ADCY1: variants seen among roughly 807,000 people sequenced by gnomAD.
ADCY1 encodes the protein adenylate cyclase 1.
In ADCY1, 28 loss-of-function variants were observed where a neutral mutation model predicts 105.4. The ratio of observed to expected loss-of-function variants is 0.27; its 90% CI spans 0.20 to 0.36. The LOEUF is 0.36. Among genes scored for constraint, ADCY1 ranks in the 10% least tolerant of loss-of-function variants. ADCY1 has a pLI of 1.00. For synonymous variants in ADCY1, 655 were observed against 623.8 expected, an observed-to-expected ratio of 1.05 and a Z score of -0.75; for missense variants, 977 against 1,434.2, an observed-to-expected ratio of 0.68 and a Z score of 5.15.
At position 45,703,136 on chromosome 7, in the gene ADCY1, A is replaced by G. The variant is rs1460964954; in HGVS notation, c.2455-240A>G. On this transcript the variant is annotated intron_variant, in intron 14 of 19. Coordinates refer to ENST00000297323, the MANE Select transcript of ADCY1 (RefSeq NM_021116.4). This position sits in a 1 kb window ranked among gnomAD's most constrained non-coding sequence, Gnocchi z 5.9. ...CGGACCCTGGAAATGAGGTGAAGCC[A>G]TAGTTTGTCCTTTGGACATTCTAGC... Among the ~76,000 whole-genome samples, 1 of 152,174 alleles carries G rather than the reference A, an allele frequency of 6.6e-6. No homozygotes were observed. The highest frequency in any genetic ancestry group is 2.4e-5 in the African/African-American group (1 of 41,436).
rs1454620008 is a variant in ADCY1 at position 45,721,404 on chromosome 7, C to A, written c.*7409C>A. 1.4e-5 allele frequency: 5 copies of A among 346,238 alleles called. No homozygotes were observed. The highest frequency in any genetic ancestry group is 2.1e-5 in the Non-Finnish European group (4 of 193,710). The allele number at this position is 346,238 out of a possible 1,614,324, so 21.4% of individuals were successfully genotyped here. A position where few individuals can be genotyped will look rare whatever the true frequency, so the allele number is the denominator to read the frequency against. Reference sequence around the variant, plus strand: ...ATTCTAAAACTATATTTGAGCGAAACCTGTCATTGCGTCTAATTTCAAATA... The same window carrying A: ...ATTCTAAAACTATATTTGAGCGAAAACTGTCATTGCGTCTAATTTCAAATA... On this transcript the variant is annotated 3_prime_UTR_variant, in exon 20 of 20. Coordinates refer to ENST00000297323, the MANE Select transcript of ADCY1 (RefSeq NM_021116.4).
At chr7:45,672,963 C>T (rs1784392579) in intron 8 of ADCY1, among the ~76,000 whole-genome samples, 1 of 152,120 alleles carries the variant, frequency 6.6e-6, no homozygotes, top group South Asian at 2.1e-4. Context: ...TGTTCTTAAT[C>T]AAGTTGGAGA....
chr7:45,674,550 T>G (rs1273599634), intron 8 of ADCY1, among the ~76,000 whole-genome samples: 1 of 152,082 alleles, frequency 6.6e-6, no homozygotes, highest in African/African-American at 2.4e-5. Flanking sequence ...ATTTTTGTAT[T>G]TTTAGTGGAG....
At position 45,634,607 on chromosome 7, in the gene ADCY1, G is replaced by A. The variant is rs190817288; in HGVS notation, c.1020+11864G>A. ...CAAGCCCTACTTGGACATAAAGATG[G>A]TCCCCGACTTATGATAGTTTGACAT... On this transcript the variant is annotated intron_variant, in intron 4 of 19. Coordinates refer to ENST00000297323, the MANE Select transcript of ADCY1 (RefSeq NM_021116.4). Among the ~76,000 whole-genome samples, 161 of 152,138 alleles carry A rather than the reference G, an allele frequency of 1.1e-3. 1 individual carries two copies. The highest frequency in any genetic ancestry group is 3.6e-3 in the African/African-American group (151 of 41,516).
intron 5 of ADCY1, among the ~76,000 whole-genome samples, chr7:45,656,195 C>T (rs990174677): frequency 1.3e-5 from 2 of 151,534 alleles, no homozygotes; most frequent in Non-Finnish European, 2.9e-5. Context: ...CCCAGCTACT[C>T]GGGAGACTGA....
At chr7:45,611,831 T>C (rs1793601204) in intron 3 of ADCY1, among the ~76,000 whole-genome samples, 1 of 152,186 alleles carries the variant, frequency 6.6e-6, no homozygotes, top group Admixed American at 6.5e-5. Flanking sequence ...CTTTTCCTTT[T>C]CTGCTGTTTT....
chr7:45,574,720 G>C lies in ADCY1; in HGVS notation c.177G>C (p.Ala59=), dbSNP rs1329521875. ...FRGYTLRLEQ[A]ATLKALAVLS... ...GCTACACGCTGCGGCTGGAGCAGGC[G>C]GCCACGCTGAAGGCGCTGGCCGTTC... is the stretch of plus-strand genomic sequence containing the variant. The change falls in exon 1 of 20, where the codon GCG becomes GCC. Residue 59 remains alanine (A), a synonymous_variant. Coordinates refer to ENST00000297323, the MANE Select transcript of ADCY1 (RefSeq NM_021116.4). The surrounding 1 kb of genome is among the most constrained non-coding windows in gnomAD (Gnocchi z 7.0). 21 of 1,410,738 alleles carry C rather than the reference G, an allele frequency of 1.5e-5. No individual in the cohort carries two copies. The East Asian group carries it at 6.1e-4, about 41-fold the overall frequency. The allele number at this position is 1,410,738 out of a possible 1,614,324, so 87.4% of individuals were successfully genotyped here.
intron 8 of ADCY1, among the ~76,000 whole-genome samples, chr7:45,662,992 G>A (rs1003797807): frequency 5.9e-5 from 9 of 152,210 alleles, no homozygotes; most frequent in African/African-American, 1.7e-4. Flanking sequence ...GGAGAATAGC[G>A]TCTCCACTGC....
chr7:45,662,200 G>A lies in ADCY1; in HGVS notation c.1591G>A (p.Glu531Lys). The A allele has an allele frequency of 1.2e-6, 2 of 1,613,126 alleles. No individual in the cohort carries two copies. Among genetic ancestry groups the A allele is most frequent in the East Asian group, 2.2e-5 (1 of 44,842 alleles). Residue 531 changes from glutamate (E) to lysine (K), a missense_variant, in exon 8 of 20, where the codon GAG becomes AAG. Transcript: ENST00000297323. ...CCCCTTCTCCAATGTCATGACCTGC[G>A]AGGACGATGACAAGGTAGGAGCAGC... ...EIPFSNVMTC[E>K]DDDKRRALRT...
chr7:45,610,531 C>G, intron 3 of ADCY1, 34 bp downstream of exon 3: 1 of 1,576,338 alleles, frequency 6.3e-7, no homozygotes, highest in Non-Finnish European at 8.7e-7. Flanking sequence ...CAGCGGGGAG[C>G]CTGGGAAGCT....
chr7:45,584,598 G>A (rs912833521), intron 1 of ADCY1, among the ~76,000 whole-genome samples: 2 of 152,186 alleles, frequency 1.3e-5, no homozygotes, highest in South Asian at 2.1e-4. Context: ...TCCTTCTAGC[G>A]CCCTTCCCTG....
intron 4 of ADCY1, among the ~76,000 whole-genome samples, chr7:45,631,412 A>G (rs1042510300): frequency 3.9e-5 from 6 of 152,262 alleles, no homozygotes; most frequent in African/African-American, 1.2e-4. Context: ...GGAAACTGCT[A>G]ATCACTGGTA....
chr7:45,574,566 G>A lies in ADCY1; in HGVS notation c.23G>A (p.Gly8Glu). 13 of 979,996 alleles carry A rather than the reference G, an allele frequency of 1.3e-5. No homozygotes were observed. Among genetic ancestry groups the A allele is most frequent in the Non-Finnish European group, 1.6e-5 (13 of 828,352 alleles). 60.7% of individuals were successfully genotyped at this position (979,996 alleles called of 1,614,324 possible). A position where few individuals can be genotyped will look rare whatever the true frequency, so the allele number is the denominator to read the frequency against. Residue 8 changes from glycine (G) to glutamate (E), a missense_variant, in exon 1 of 20, where the codon GGA (glycine) becomes GAA (glutamate). This residue lies in a region of ADCY1 where 209 missense variants were observed against 222.5 expected (regional missense o/e 0.94). Transcript: ENST00000297323. This position sits in a 1 kb window ranked among gnomAD's most constrained non-coding sequence, Gnocchi z 7.0. ...GAGATGGCGGGGGCGCCGCGCGGCG[G>A]AGGCGGCGGCGGAGGCGGCGCGGGC... MAGAPRG[G>E]GGGGGGAGEP...
chr7:45,714,268 G>A lies in ADCY1; in HGVS notation c.*273G>A. ...GTGTCCACTCCATCCTTCCCTCCGT[G>A]GCGTAGGGAGCACTGTTTCTTTCCA... On this transcript the variant is annotated 3_prime_UTR_variant, in exon 20 of 20. Coordinates refer to ENST00000297323, the MANE Select transcript of ADCY1 (RefSeq NM_021116.4). 3 of 490,590 alleles carry A rather than the reference G, an allele frequency of 6.1e-6. No homozygotes were observed. Among genetic ancestry groups the A allele is most frequent in the South Asian group, 3.5e-5 (1 of 28,766 alleles). 30.4% of individuals were successfully genotyped at this position (490,590 alleles called of 1,614,324 possible). A position where few individuals can be genotyped will look rare whatever the true frequency, so the allele number is the denominator to read the frequency against.
At chr7:45,704,715 C>T in intron 17 of ADCY1, 99 bp downstream of exon 17, 1 of 942,658 alleles carries the variant, frequency 1.1e-6, no homozygotes, top group East Asian at 2.4e-5. Flanking sequence ...GGTTTGTTTG[C>T]CCTCTGTGTT....
At chr7:45,584,604 C>T (rs1792663847) in intron 1 of ADCY1, among the ~76,000 whole-genome samples, 1 of 152,274 alleles carries the variant, frequency 6.6e-6, no homozygotes, top group African/African-American at 2.4e-5. Flanking sequence ...TAGCGCCCTT[C>T]CCTGACAACT....
At chr7:45,634,642 T>G (rs1794350732) in intron 4 of ADCY1, among the ~76,000 whole-genome samples, 1 of 152,192 alleles carries the variant, frequency 6.6e-6, no homozygotes, top group African/African-American at 2.4e-5. Flanking sequence ...TATGCTGTTT[T>G]GACTTTAAGA....
At chr7:45,677,686 C>A (rs1584325169) in intron 8 of ADCY1, among the ~76,000 whole-genome samples, 183 bp from the exon 9 acceptor site, 1 of 152,308 alleles carries the variant, frequency 6.6e-6, no homozygotes, top group African/African-American at 2.4e-5. Context: ...AACCCCAACA[C>A]TGGCTGCTGA....
intron 4 of ADCY1, among the ~76,000 whole-genome samples, chr7:45,628,346 G>A (rs1253319328): frequency 2.0e-5 from 3 of 152,136 alleles, no homozygotes; most frequent in African/African-American, 7.2e-5. Context: ...CTCGGTTTCC[G>A]CCATCCATCT....
Sources: gnomAD v4.1 joint callset for allele counts (sites outside exome capture counted in the v4.1 genomes callset) on GRCh38, gnomAD v4.1.1 for gene constraint, gnomAD v4.1.1 regional missense constraint, Gnocchi (gnomAD v3.1) non-coding constraint, MANE v1.5 for transcripts, NCBI Gene and HGNC (gene_info 2026-07-23, HGNC 2026-07-21) for gene names.